The following PCCB variants were observed in gnomAD, a reference collection of about 807,000 sequenced individuals.
PCCB encodes the protein propionyl-CoA carboxylase subunit beta.
Under a neutral mutation model 60.7 loss-of-function variants are expected in PCCB, and 43 were observed. That is an observed-to-expected ratio of 0.71 (90% CI 0.55 to 0.91). The LOEUF is 0.91. Among genes scored for constraint, PCCB ranks in the 40% least tolerant of loss-of-function variants. The probability of loss-of-function intolerance (pLI) is 0.00; values close to 1 mark genes in which losing one functional copy is unlikely to be tolerated. For missense variants in PCCB, 766 were observed against 702.8 expected (o/e 1.09, Z -1.02); for synonymous variants, 276 against 255.9 (o/e 1.08, Z -0.75).
chr3:136,256,318 A>G (rs1204825911), intron 2 of PCCB: 10 of 584,606 alleles, frequency 1.7e-5, no homozygotes, highest in African/African-American at 3.7e-5. Flanking sequence ...TTTTGCTTTT[A>G]GGAGGGTACA....
At position 136,255,965 on chromosome 3, in the gene PCCB, A is replaced by G. The variant is rs915881293; in HGVS notation, c.293A>G (p.Asp98Gly). 1 of 1,614,190 alleles carries G rather than the reference A, an allele frequency of 6.2e-7. No homozygotes were observed. Residue 98 changes from aspartate (D) to glycine (G), a missense_variant, in exon 2 of 15, where the codon GAT becomes GGT. By Grantham distance (94) the Asp-to-Gly change is moderately conservative. Coordinates refer to ENST00000251654, the MANE Select transcript of PCCB (RefSeq NM_000532.5). ...HRCADFGMAADKNKFPGDSVV... is the reference protein window; with the variant it reads ...HRCADFGMAAGKNKFPGDSVV... ...TGTGCAGATTTTGGAATGGCTGCTG[A>G]TAAGAATAAGGTATTTGTTCAAATG... is the stretch of plus-strand genomic sequence containing the variant.
At position 136,317,037 on chromosome 3, in the gene PCCB, G is replaced by C; in HGVS notation, c.1063G>C (p.Val355Leu). The C allele has an allele frequency of 6.2e-7, 1 of 1,614,040 alleles. No homozygotes were observed. The highest frequency in any genetic ancestry group is 1.7e-5 in the Admixed American group (1 of 59,996). Residue 355 changes from valine (V) to leucine (L), a missense_variant, in exon 10 of 15, where the codon GTT (valine) becomes CTT (leucine). Val to Leu is a conservative substitution (Grantham distance 32). Coordinates refer to ENST00000251654, the MANE Select transcript of PCCB (RefSeq NM_000532.5). ...ARMNGRTVGI[V>L]GNQPKVASGC... is the part of the protein sequence containing the mutation. ...AATGAATGGGAGGACTGTTGGAATT[G>C]TTGGCAACCAACCTAAGGTGGCCTC... is the stretch of plus-strand genomic sequence containing the variant.
At chr3:136,329,759 A>C (rs1935471632) in intron 14 of PCCB, 146 bp from the exon 15 acceptor site, 1 of 824,688 alleles carries the variant, frequency 1.2e-6, no homozygotes, top group African/African-American at 1.7e-5. Flanking sequence ...TACAAGGGGG[A>C]ATTCACAGGG....
intron 3 of PCCB, 75 bp from the exon 4 acceptor site, chr3:136,260,404 A>G (rs1331460409): frequency 1.5e-5 from 19 of 1,258,928 alleles, no homozygotes; most frequent in East Asian, 2.4e-5. Context: ...TGAATTTTCT[A>G]TTTCTTCCTC....
intron 7 of PCCB, among the ~76,000 whole-genome samples, chr3:136,296,046 G>A (rs187855565): frequency 5.3e-5 from 8 of 152,248 alleles, no homozygotes; most frequent in African/African-American, 1.9e-4. Flanking sequence ...AAGGTGCTCC[G>A]TACATATATT....
intron 7 of PCCB, among the ~76,000 whole-genome samples, chr3:136,294,913 C>T (rs1467161612): frequency 6.6e-6 from 1 of 152,122 alleles, no homozygotes; most frequent in East Asian, 1.9e-4. Flanking sequence ...CCACCATGTC[C>T]GGCTAGTTGT....
rs1935486620 is a variant in PCCB at position 136,330,064 on chromosome 3, G to T, written c.*38G>T. 13 of 1,613,220 alleles carry T rather than the reference G, an allele frequency of 8.1e-6. No individual in the cohort carries two copies. The South Asian group carries it at 1.3e-4, about 16-fold the overall frequency. ...AAAAGAAACCAAGAACTGAATTACT[G>T]TCTGCCCATTCACATCCCATTCCTG... On this transcript the variant is annotated 3_prime_UTR_variant, in exon 15 of 15. Coordinates refer to ENST00000251654, the MANE Select transcript of PCCB (RefSeq NM_000532.5).
chr3:136,254,518 C>CTTTTTTTTTTTTTT (rs3994953), intron 1 of PCCB, among the ~76,000 whole-genome samples: 1 of 45,930 alleles, frequency 2.2e-5, no homozygotes, highest in East Asian at 1.1e-3. Context: ...CTGCGGCTAG[C>CTTTTTTTTTTTTTT]TTTTTTTTTT....
At chr3:136,294,763 T>A (rs937216951) in intron 7 of PCCB, among the ~76,000 whole-genome samples, 2 of 152,022 alleles carry the variant, frequency 1.3e-5, no homozygotes, top group Non-Finnish European at 2.9e-5. Context: ...GTATGTCACA[T>A]CATACCCAGG....
Position 136,250,376 on chromosome 3 carries a change from A to ATGGCGGCGGCATTACGGG in PCCB, c.11_28dup (p.Ala4_Ala9dup), listed in dbSNP as rs777359703. The ATGGCGGCGGCATTACGGG allele has an allele frequency of 1.4e-4, 213 of 1,526,194 alleles. 5 individuals carry two copies. In the East Asian group the frequency reaches 5.0e-3, roughly 36 times the overall value. 94.5% of individuals were successfully genotyped at this position (1,526,194 alleles called of 1,614,324 possible). ...TAGGGGACGCGCCGGCACAGCAAAAATGGCGGCGGCATTACGGGTGGCGGC... is the reference window on the plus strand; with the variant it reads ...TAGGGGACGCGCCGGCACAGCAAAAATGGCGGCGGCATTACGGGTGGCGGCGGCATTACGGGTGGCGGC... On this transcript the variant is annotated inframe_insertion, in exon 1 of 15. Coordinates refer to ENST00000251654, the MANE Select transcript of PCCB (RefSeq NM_000532.5).
chr3:136,260,290 C>T, intron 3 of PCCB, 189 bp from the exon 4 acceptor site: 2 of 675,106 alleles, frequency 3.0e-6, no homozygotes, highest in South Asian at 1.5e-5. Context: ...GTCGCCCAGG[C>T]TGGTCTCAGA....
intron 10 of PCCB, chr3:136,326,244 G>A: frequency 1.5e-6 from 1 of 681,550 alleles, no homozygotes; most frequent in Non-Finnish European, 2.7e-6. Context: ...GGGTAATACT[G>A]GTCTCATAGA....
chr3:136,258,724 C>T (rs532254465), intron 3 of PCCB, among the ~76,000 whole-genome samples: 16 of 152,138 alleles, frequency 1.1e-4, no homozygotes, highest in African/African-American at 3.9e-4. Context: ...AGTTTAGAAC[C>T]CTTCTGGTTA....
At chr3:136,250,622 G>A (rs1455730210) in intron 1 of PCCB, 64 bp downstream of exon 1, 62 of 1,497,078 alleles carry the variant, frequency 4.1e-5, no homozygotes, top group Non-Finnish European at 5.5e-5. Context: ...CTGCGTGCCC[G>A]GCTTGCGGCG....
At chr3:136,260,964 A>G (rs1189620331) in intron 4 of PCCB, among the ~76,000 whole-genome samples, 1 of 152,228 alleles carries the variant, frequency 6.6e-6, no homozygotes, top group Non-Finnish European at 1.5e-5. Context: ...AATAATGGCA[A>G]ATCACAGATA....
At chr3:136,300,102 A>G (rs1407253999) in intron 8 of PCCB, among the ~76,000 whole-genome samples, 1 of 151,952 alleles carries the variant, frequency 6.6e-6, no homozygotes, top group African/African-American at 2.4e-5. Context: ...ACACATATAC[A>G]TACATGCATA....
chr3:136,293,124 C>T (rs1364556898), intron 6 of PCCB, among the ~76,000 whole-genome samples: 1 of 152,152 alleles, frequency 6.6e-6, no homozygotes, highest in African/African-American at 2.4e-5. Flanking sequence ...GCCTCACTCT[C>T]CTGAATAGCT....
intron 13 of PCCB, among the ~76,000 whole-genome samples, chr3:136,328,451 C>T (rs1935414397): frequency 6.6e-6 from 1 of 152,120 alleles, no homozygotes; most frequent in Non-Finnish European, 1.5e-5. Flanking sequence ...ATCTTTGGCT[C>T]AAAGAAATAT....
chr3:136,313,665 G>A (rs1257997614), intron 9 of PCCB, among the ~76,000 whole-genome samples: 2 of 152,004 alleles, frequency 1.3e-5, no homozygotes, highest in Admixed American at 1.3e-4. Context: ...TCAAGACTGG[G>A]GAAAACCTTT....
Sources: gnomAD v4.1 joint callset for allele counts (sites outside exome capture counted in the v4.1 genomes callset) on GRCh38, gnomAD v4.1.1 for gene constraint, MANE v1.5 for transcripts, NCBI Gene and HGNC (gene_info 2026-07-23, HGNC 2026-07-21) for gene names.